The following BOP1 variants were observed in gnomAD, a reference collection of about 807,000 sequenced individuals.
BOP1 encodes ribosome biogenesis protein BOP1.
In BOP1, 54 loss-of-function variants were observed where a neutral mutation model predicts 82.9. That is an observed-to-expected ratio of 0.65 (90% CI 0.52 to 0.82). BOP1 has a LOEUF of 0.82. Among genes scored for constraint, BOP1 ranks in the 40% least tolerant of loss-of-function variants. The probability of loss-of-function intolerance (pLI) is 0.00; values close to 1 mark genes in which losing one functional copy is unlikely to be tolerated. For missense variants in BOP1, 1,170 were observed against 1,072.0 expected (o/e 1.09, Z -1.28); for synonymous variants, 566 against 451.1 (o/e 1.25, Z -3.23).
At chr8:144,284,257 C>T (rs1346719557) in intron 2 of BOP1, among the ~76,000 whole-genome samples, 2 of 152,202 alleles carry the variant, frequency 1.3e-5, no homozygotes, top group African/African-American at 4.8e-5. Context: ...AACATCGCAC[C>T]ACTGCCCTCC....
At chr8:144,290,407 T>C (rs1428546137) in intron 1 of BOP1, among the ~76,000 whole-genome samples, 1 of 151,946 alleles carries the variant, frequency 6.6e-6, no homozygotes, top group East Asian at 1.9e-4. Context: ...AATGCAGAAT[T>C]CTAGATTTTA....
At position 144,277,024 on chromosome 8, in the gene BOP1, C is replaced by T. The variant is rs949850735; in HGVS notation, c.310-720G>A. On this transcript the variant is annotated intron_variant, in intron 2 of 15. Coordinates refer to ENST00000569669, the MANE Select transcript of BOP1 (RefSeq NM_015201.5). Reference sequence around the variant, plus strand: ...GGAAAACAGATTCTGCCCTCGACTGCGGAGGTGAGGATGGCTCCAACCGGA... The same window carrying T: ...GGAAAACAGATTCTGCCCTCGACTGTGGAGGTGAGGATGGCTCCAACCGGA... 5.9e-5 allele frequency among the ~76,000 whole-genome samples: 9 copies of T among 152,294 alleles called. No homozygotes were observed. The South Asian group carries it at 6.2e-4, about 11-fold the overall frequency.
intron 3 of BOP1, among the ~76,000 whole-genome samples, chr8:144,273,693 A>G (rs1475800894): frequency 6.6e-6 from 1 of 152,064 alleles, no homozygotes; most frequent in Non-Finnish European, 1.5e-5. Context: ...CGGGGGTCCC[A>G]GCGGCTGGAT....
In BOP1 at chr8:144,263,831, C is replaced by T; in HGVS notation, c.1221G>A (p.Leu407=). 1 of 1,611,112 alleles carries T rather than the reference C, an allele frequency of 6.2e-7. No individual in the cohort carries two copies. The highest frequency in any genetic ancestry group is 8.5e-7 in the Non-Finnish European group (1 of 1,179,600). ...DLQPFPTCQA[L]VYRGHSDLVR... ...CCCCAGCCCCCTAGTCTCCACTTAC[C>T]AGGGCCTGGCACGTGGGGAAGGGCT... The change falls in exon 9 of 16, where the codon CTG becomes CTA. Residue 407 remains leucine, a splice_region_variant and synonymous_variant. Transcript: ENST00000569669.
At position 144,283,201 on chromosome 8, in the gene BOP1, C is replaced by CAAAAAAAAAAAAAAAAAAA. The variant is rs60868806; in HGVS notation, c.309+5875_309+5893dup. Among the ~76,000 whole-genome samples the CAAAAAAAAAAAAAAAAAAA allele has an allele frequency of 9.0e-3, 487 of 54,268 alleles. 22 individuals are homozygous for CAAAAAAAAAAAAAAAAAAA. The highest frequency in any genetic ancestry group is 0.018 in the African/African-American group (136 of 7,352). The allele number at this position is 54,268 out of a possible 152,430, so 35.6% of individuals were successfully genotyped here. A position where few individuals can be genotyped will look rare whatever the true frequency, so the allele number is the denominator to read the frequency against. ...CGATAAGAGCAAAAAAACTCCATCTCAAAAAAAAAAAAAAAAAAAAAAAAG... is the reference window on the plus strand; with the variant it reads ...CGATAAGAGCAAAAAAACTCCATCTCAAAAAAAAAAAAAAAAAAAAAAAAAAAAAAAAAAAAAAAAAAAG... On this transcript the variant is annotated intron_variant, in intron 2 of 15. Coordinates refer to ENST00000569669, the MANE Select transcript of BOP1 (RefSeq NM_015201.5).
rs1304632181 is a variant in BOP1, at chr8:144,286,338, T to C, written c.309+2757A>G. ...CACGCGGGCAGATGCACGGGCGCCA[T>C]GGCAGGGCAGGGCCTCAGCCCCTCA... On this transcript the variant is annotated intron_variant, in intron 2 of 15. Transcript: ENST00000569669. Among the ~76,000 whole-genome samples the C allele has an allele frequency of 2.5e-3, 324 of 128,874 alleles. 1 individual carries two copies. Among genetic ancestry groups the C allele is most frequent in the Middle Eastern group, 0.02 (4 of 202 alleles). 84.5% of individuals were successfully genotyped at this position (128,874 alleles called of 152,430 possible). A position where few individuals can be genotyped will look rare whatever the true frequency, so the allele number is the denominator to read the frequency against.
intron 3 of BOP1, among the ~76,000 whole-genome samples, chr8:144,272,268 G>T (rs1479714960): frequency 6.6e-6 from 1 of 151,998 alleles, no homozygotes; most frequent in Non-Finnish European, 1.5e-5. Flanking sequence ...GGCTCTAGAG[G>T]TCCACACCCG....
Position 144,291,163 on chromosome 8 carries a change from G to T in BOP1, c.99+109C>A. 2.1e-6 allele frequency: 2 copies of T among 955,138 alleles called. No homozygotes were observed. Among genetic ancestry groups the T allele is most frequent in the Non-Finnish European group, 2.8e-6 (2 of 726,698 alleles). 59.2% of individuals were successfully genotyped at this position (955,138 alleles called of 1,614,324 possible). ...CACCCACGCCCAAGACCGATTCACTGGGCGCGGGCGCCCAGGTGACAGAAG... is the reference window on the plus strand; with the variant it reads ...CACCCACGCCCAAGACCGATTCACTTGGCGCGGGCGCCCAGGTGACAGAAG... On this transcript the variant is annotated intron_variant, in intron 1 of 15. Transcript: ENST00000569669. This position sits in a 1 kb window ranked among gnomAD's most constrained non-coding sequence, Gnocchi z 4.1.
intron 3 of BOP1, chr8:144,266,494 A>C: frequency 1.0e-6 from 1 of 985,974 alleles, no homozygotes; most frequent in Non-Finnish European, 1.2e-6. Flanking sequence ...GGCAGCTGCC[A>C]CCGCGGGGCG....
chr8:144,279,232 G>A (rs373519933), intron 2 of BOP1, among the ~76,000 whole-genome samples: 23 of 150,918 alleles, frequency 1.5e-4, no homozygotes, highest in African/African-American at 4.1e-4. Flanking sequence ...TGCCACGACC[G>A]CCACAGGCCC....
Position 144,262,981 on chromosome 8 carries a change from GGGTGGAAGGCCACTC to G in BOP1, c.1751_1765del (p.Arg584_His588del), listed in dbSNP as rs1554836670. 1 of 1,552,694 alleles carries G rather than the reference GGGTGGAAGGCCACTC, an allele frequency of 6.4e-7. No homozygotes were observed. Among genetic ancestry groups the G allele is most frequent in the Admixed American group, 1.9e-5 (1 of 53,098 alleles). ...CGCCACCAACAGGAAGGGCCGGGCA[GGGTGGAAGGCCACTC>G]GCTGCACCTGTCCGTGGCTGCGGCG... On this transcript the variant is annotated inframe_deletion, in exon 13 of 16. Transcript: ENST00000569669.
In BOP1 at chr8:144,281,176, TCACTTTCATACCAGGTCTTTGGCCTTC is replaced by T. The variant is rs1845671986; in HGVS notation, c.310-4899_310-4873del. 5.2e-4 allele frequency among the ~76,000 whole-genome samples: 38 copies of T among 72,540 alleles called. 8 individuals carry two copies. The highest frequency in any genetic ancestry group is 7.3e-4 in the Non-Finnish European group (23 of 31,378). The allele number at this position is 72,540 out of a possible 152,430, so 47.6% of individuals were successfully genotyped here. A position where few individuals can be genotyped will look rare whatever the true frequency, so the allele number is the denominator to read the frequency against. On this transcript the variant is annotated intron_variant, in intron 2 of 15. Transcript: ENST00000569669. ...TTAATACCAGGTCTTCGGCCTTCCC[TCACTTTCATACCAGGTCTTTGGCCTTC>T]TCTCAGTTTAATACCAGGTCTTCGG...
chr8:144,262,230 G>A lies in BOP1; in HGVS notation c.2175C>T (p.Ile725=). The A allele has an allele frequency of 6.2e-7, 1 of 1,612,714 alleles. No individual in the cohort carries two copies. The highest frequency in any genetic ancestry group is 8.5e-7 in the Non-Finnish European group (1 of 1,179,792). Residue 725 remains isoleucine (I), a synonymous_variant, in exon 16 of 16, where the codon ATC becomes ATT. Coordinates refer to ENST00000569669, the MANE Select transcript of BOP1 (RefSeq NM_015201.5). ...LTRDLGVLDV[I]FHPTQPWVFS... is the part of the protein sequence containing the mutation. The stretch of plus-strand genomic sequence containing the variant: ...AGACCCACGGCTGGGTGGGGTGGAA[G>A]ATGACGTCCAGCACTCCCAGATCTC...
chr8:144,271,307 C>T (rs1355118518), intron 3 of BOP1, among the ~76,000 whole-genome samples: 2 of 152,214 alleles, frequency 1.3e-5, no homozygotes, highest in Admixed American at 6.5e-5. Context: ...GGGGCTGGCC[C>T]GCTGCCCGCC....
At chr8:144,287,736 C>G (rs1423817463) in intron 2 of BOP1, among the ~76,000 whole-genome samples, 1 of 152,162 alleles carries the variant, frequency 6.6e-6, no homozygotes, top group African/African-American at 2.4e-5. Context: ...CCACTGCCAA[C>G]ACAGCACATC....
At chr8:144,290,828 G>C (rs1024185327) in intron 1 of BOP1, among the ~76,000 whole-genome samples, 1 of 152,224 alleles carries the variant, frequency 6.6e-6, no homozygotes, top group Non-Finnish European at 1.5e-5. Context: ...ACAGGGCTGA[G>C]CTAGCAGAGA....
chr8:144,267,331 C>A, intron 3 of BOP1: 3 of 990,158 alleles, frequency 3.0e-6, no homozygotes, highest in Non-Finnish European at 2.6e-6. Context: ...GGGGCTGGGG[C>A]CTTCTCCTGG....
At chr8:144,286,510 C>T (rs111722498) in intron 2 of BOP1, among the ~76,000 whole-genome samples, 1 of 119,302 alleles carries the variant, frequency 8.4e-6, no homozygotes. Flanking sequence ...GCACAGGACA[C>T]GCGGGCAGGT....
intron 3 of BOP1, chr8:144,266,769 CCGGCGGA>C: frequency 9.3e-7 from 1 of 1,073,318 alleles, no homozygotes; most frequent in African/African-American, 1.7e-5. Context: ...TCCAGGGCGC[CCGGCGGA>C]GGGCGGGGGG....
Sources: gnomAD v4.1 joint callset for allele counts (sites outside exome capture counted in the v4.1 genomes callset) on GRCh38, gnomAD v4.1.1 for gene constraint, Gnocchi (gnomAD v3.1) non-coding constraint, MANE v1.5 for transcripts, NCBI Gene and HGNC (gene_info 2026-07-23, HGNC 2026-07-21) for gene names.